The following ZNF667 variants were observed in gnomAD, a reference collection of about 807,000 sequenced individuals.
The protein encoded by ZNF667 is zinc finger protein 667.
A neutral mutation model predicts 31.8 loss-of-function variants in ZNF667; 13 were observed. That is an observed-to-expected ratio of 0.41 (90% CI 0.27 to 0.65). The LOEUF (loss-of-function observed/expected upper bound fraction) is 0.65, where lower values mean the gene tolerates loss of function less well. Among genes scored for constraint, ZNF667 ranks in the 30% least tolerant of loss-of-function variants. The pLI is 0.32. For synonymous variants in ZNF667, 228 were observed against 247.1 expected, an observed-to-expected ratio of 0.92 and a Z score of 0.73; for missense variants, 642 against 725.6, an observed-to-expected ratio of 0.88 and a Z score of 1.32.
In ZNF667 at chr19:56,439,951, C is replaced by T. The variant is rs984236085; in HGVS notation, c.*1211G>A. 6.6e-6 allele frequency: 1 copy of T among 152,406 alleles called. No homozygotes were observed. The highest frequency in any genetic ancestry group is 1.5e-5 in the Non-Finnish European group (1 of 68,220). 9.4% of individuals were successfully genotyped at this position (152,406 alleles called of 1,614,324 possible). ...GGGATTACAGGCATGAGCCACCGGG[C>T]TCAGCCTGATGTCTCTTCTTATAAA... is the stretch of plus-strand genomic sequence containing the variant. On this transcript the variant is annotated 3_prime_UTR_variant, in exon 7 of 7. Transcript: ENST00000504904.
rs563618774 is a variant in ZNF667, at chr19:56,470,055, T to C, written c.-60+1644A>G. On this transcript the variant is annotated intron_variant, in intron 3 of 6. Coordinates refer to ENST00000504904, the MANE Select transcript of ZNF667 (RefSeq NM_001321356.2). ...GACAATGCATTGACCAATGTTCTCA[T>C]GTGTGCAGCTGTGTGACCTTGGGCA... 326 of 456,814 alleles carry C rather than the reference T, an allele frequency of 7.1e-4. 3 individuals carry two copies. Among genetic ancestry groups the C allele is most frequent in the Middle Eastern group, 2.6e-3 (8 of 3,078 alleles). The allele number at this position is 456,814 out of a possible 1,614,324, so 28.3% of individuals were successfully genotyped here. A position where few individuals can be genotyped will look rare whatever the true frequency, so the allele number is the denominator to read the frequency against.
chr19:56,460,391 T>A (rs1898574422), intron 5 of ZNF667, among the ~76,000 whole-genome samples: 1 of 151,994 alleles, frequency 6.6e-6, no homozygotes, highest in Admixed American at 6.6e-5. Context: ...TTGCTGAACC[T>A]GGGGGGATGA....
intron 2 of ZNF667, among the ~76,000 whole-genome samples, chr19:56,473,363 A>G (rs2043334018): frequency 6.6e-6 from 1 of 152,114 alleles, no homozygotes; most frequent in African/African-American, 2.4e-5. Context: ...TACGTAACAC[A>G]TTTAGAGTGG....
In ZNF667 at chr19:56,442,330, T is replaced by C. The variant is rs1426240275; in HGVS notation, c.665A>G (p.His222Arg). ...ACAGTCAAGAATTTCCTTTCCATCA[T>C]GAATTCTCATATGTAGAATAAGGGT... The part of the protein sequence containing the change: ...RTTLILHMRI[H>R]DGKEILDCGK... Residue 222 changes from histidine to arginine, a missense_variant, in exon 7 of 7, where the codon CAT becomes CGT. Transcript: ENST00000504904. 2 of 1,614,010 alleles carry C rather than the reference T, an allele frequency of 1.2e-6. No homozygotes were observed. Among genetic ancestry groups the C allele is most frequent in the Admixed American group, 1.7e-5 (1 of 59,996 alleles).
chr19:56,457,220 A>T (rs1301197925), intron 6 of ZNF667, among the ~76,000 whole-genome samples: 3 of 152,228 alleles, frequency 2.0e-5, no homozygotes, highest in Non-Finnish European at 2.9e-5. Flanking sequence ...TGGAGAAAAG[A>T]GTTAAAAAAT....
At chr19:56,451,404 T>C (rs983304442) in intron 6 of ZNF667, among the ~76,000 whole-genome samples, 2 of 151,272 alleles carry the variant, frequency 1.3e-5, no homozygotes, top group African/African-American at 4.9e-5. Flanking sequence ...ATTTTCAGCA[T>C]TGCACAAATC....
chr19:56,443,486 T>C (rs910707071), intron 6 of ZNF667, among the ~76,000 whole-genome samples: 2 of 152,192 alleles, frequency 1.3e-5, no homozygotes, highest in Admixed American at 6.5e-5. Flanking sequence ...TTGTATAGCC[T>C]GTTCCTAGGC....
At chr19:56,461,474 T>C (rs1453369415) in intron 4 of ZNF667, among the ~76,000 whole-genome samples, 1 of 152,106 alleles carries the variant, frequency 6.6e-6, no homozygotes, top group Non-Finnish European at 1.5e-5. Flanking sequence ...ATCTGGCCAA[T>C]AACCAGCAAG....
Position 56,458,893 on chromosome 19 carries a change from T to C in ZNF667, c.161-646A>G, listed in dbSNP as rs184421284. On this transcript the variant is annotated intron_variant, in intron 5 of 6. Coordinates refer to ENST00000504904, the MANE Select transcript of ZNF667 (RefSeq NM_001321356.2). The stretch of plus-strand genomic sequence containing the variant: ...CCTCCCTGAGTTCTGAAAGCTACTC[T>C]AGCAAATGACTGAACTTGAGGAGAG... Among the ~76,000 whole-genome samples, 273 of 152,306 alleles carry C rather than the reference T, an allele frequency of 1.8e-3. 1 individual carries two copies. The highest frequency in any genetic ancestry group is 1.4e-3 in the Admixed American group (22 of 15,302).
rs2042591400 is a variant in ZNF667, at chr19:56,441,158, A to C, written c.*4T>G. 1 of 1,588,520 alleles carries C rather than the reference A, an allele frequency of 6.3e-7. No homozygotes were observed. The highest frequency in any genetic ancestry group is 8.6e-7 in the Non-Finnish European group (1 of 1,165,876). ...TTCGTTGATTTTATAGATTTAAAAC[A>C]ACCTTAGGCTTTTTCTTCAGAATGT... On this transcript the variant is annotated 3_prime_UTR_variant, in exon 7 of 7. Transcript: ENST00000504904. The surrounding 1 kb of genome is among the most constrained non-coding windows in gnomAD (Gnocchi z 4.2).
chr19:56,452,049 C>CTTT (rs1342164454), intron 6 of ZNF667, among the ~76,000 whole-genome samples: 1 of 139,302 alleles, frequency 7.2e-6, no homozygotes. Flanking sequence ...GAAGAAATCT[C>CTTT]TTTTTTTTTT....
At chr19:56,458,653 A>T (rs982622872) in intron 5 of ZNF667, among the ~76,000 whole-genome samples, 8 of 152,070 alleles carry the variant, frequency 5.3e-5, no homozygotes, top group Non-Finnish European at 7.4e-5. Flanking sequence ...CCAATGATTT[A>T]ATCAACCTTG....
In ZNF667 at chr19:56,442,673, A is replaced by G. The variant is rs148246895; in HGVS notation, c.322T>C (p.Cys108Arg). ...TGTTGTGCAGAAACTAGTTTCTGGCAGATGCTTTGCCCAGATTTGTTGCAT... is the reference window on the plus strand; with the variant it reads ...TGTTGTGCAGAAACTAGTTTCTGGCGGATGCTTTGCCCAGATTTGTTGCAT... ...NQCNKSGQSICQKLVSAQQKA... is the reference protein window; with the variant it reads ...NQCNKSGQSIRQKLVSAQQKA... Residue 108 changes from cysteine (C) to arginine (R), a missense_variant, in exon 7 of 7, where the codon TGC becomes CGC. Transcript: ENST00000504904. 6.1e-5 allele frequency: 99 copies of G among 1,612,586 alleles called. No homozygotes were observed. In the African/African-American group the frequency reaches 1.2e-3, roughly 19 times the overall value.
intron 6 of ZNF667, among the ~76,000 whole-genome samples, chr19:56,452,217 T>G (rs995053058): frequency 6.6e-6 from 1 of 152,006 alleles, no homozygotes; most frequent in African/African-American, 2.4e-5. Context: ...CCTGGTTAAT[T>G]TCTTGTATTT....
chr19:56,472,880 A>AACC (rs1389242376), intron 2 of ZNF667: 1 of 152,200 alleles, frequency 6.6e-6, no homozygotes, highest in African/African-American at 2.4e-5. Context: ...TTCAAGGGTC[A>AACC]ACCACATACC....
chr19:56,455,809 T>TA (rs568922713), intron 6 of ZNF667, among the ~76,000 whole-genome samples: 7 of 152,196 alleles, frequency 4.6e-5, no homozygotes, highest in Non-Finnish European at 1.0e-4. Flanking sequence ...CTTGAGGTGA[T>TA]AGATACCTCA....
intron 4 of ZNF667, among the ~76,000 whole-genome samples, chr19:56,461,768 C>T (rs2043050069): frequency 6.6e-6 from 1 of 152,216 alleles, no homozygotes; most frequent in Non-Finnish European, 1.5e-5. Flanking sequence ...GATTGACAGT[C>T]GTGGAGCATG....
At chr19:56,446,746 G>A (rs1037707784) in intron 6 of ZNF667, among the ~76,000 whole-genome samples, 1 of 152,134 alleles carries the variant, frequency 6.6e-6, no homozygotes, top group African/African-American at 2.4e-5. Flanking sequence ...GAAGATAATG[G>A]AAATGTTTAT....
chr19:56,462,449 C>A lies in ZNF667; in HGVS notation c.-59-20G>T, dbSNP rs1600440850. On this transcript the variant is annotated intron_variant, in intron 3 of 6. Transcript: ENST00000504904. ...GCAGGGCTGTGGGGAGAAGACAGGT[C>A]ATGAGGCAGTGCCAGAGTCCACAGG... 4 of 1,566,490 alleles carry A rather than the reference C, an allele frequency of 2.6e-6. No homozygotes were observed. The highest frequency in any genetic ancestry group is 3.5e-6 in the Non-Finnish European group (4 of 1,136,622).
Sources: allele counts gnomAD v4.1 joint callset (sites outside exome capture counted in the v4.1 genomes callset), GRCh38; gene constraint gnomAD v4.1.1; non-coding constraint Gnocchi (gnomAD v3.1); transcripts MANE v1.5; gene names NCBI Gene and HGNC (gene_info 2026-07-23, HGNC 2026-07-21).